The following CNTNAP5 variants were observed in gnomAD, a reference collection of about 807,000 sequenced individuals.
CNTNAP5 encodes contactin-associated protein-like 5.
In CNTNAP5, 72 loss-of-function variants were observed where a neutral mutation model predicts 150.2. The ratio of observed to expected loss-of-function variants is 0.48; its 90% confidence interval spans 0.40 to 0.58. The LOEUF (loss-of-function observed/expected upper bound fraction) is 0.58, where lower values mean the gene tolerates loss of function less well. CNTNAP5 is among the 20% of genes least tolerant of loss of function. CNTNAP5 has a pLI of 0.00. For missense variants in CNTNAP5, 1,636 were observed against 1,626.2 expected (o/e 1.01, Z -0.10); for synonymous variants, 672 against 619.8 (o/e 1.08, Z -1.25).
At chr2:124,477,333 TTTGAGGTA>T in intron 7 of CNTNAP5, among the ~76,000 whole-genome samples, 1 of 152,290 alleles carries the variant, frequency 6.6e-6, no homozygotes, top group South Asian at 2.1e-4. Flanking sequence ...TTTTTTGTGT[TTTGAGGTA>T]TCATATTAAC....
chr2:124,632,559 G>A (rs1490677752), intron 12 of CNTNAP5, among the ~76,000 whole-genome samples: 1 of 151,724 alleles, frequency 6.6e-6, no homozygotes, highest in Non-Finnish European at 1.5e-5. Context: ...GTTAGGGGAG[G>A]TGGGGGAGGG....
rs79074886 is a variant in CNTNAP5, at chr2:124,603,249, T to C, written c.1757-6552T>C. Reference sequence around the variant, plus strand: ...GATTTAACTAATTGCATTCTTACAGTGTGGCTGGGCATGTGGGCCTCTTTC... The same window carrying C: ...GATTTAACTAATTGCATTCTTACAGCGTGGCTGGGCATGTGGGCCTCTTTC... On this transcript the variant is annotated intron_variant, in intron 11 of 23. Coordinates refer to ENST00000682447, the MANE Select transcript of CNTNAP5 (RefSeq NM_001367498.1). Among the ~76,000 whole-genome samples, 1,186 of 152,294 alleles carry C rather than the reference T, an allele frequency of 7.8e-3. 17 individuals carry two copies. The highest frequency in any genetic ancestry group is 0.027 in the African/African-American group (1,130 of 41,568).
rs142959357 is a variant in CNTNAP5, at chr2:124,705,657, C to T, written c.2078-41572C>T. 6.0e-5 allele frequency among the ~76,000 whole-genome samples: 9 copies of T among 151,048 alleles called. No homozygotes were observed. The East Asian group carries it at 1.6e-3, about 26-fold the overall frequency. On this transcript the variant is annotated intron_variant, in intron 13 of 23. Coordinates refer to ENST00000682447, the MANE Select transcript of CNTNAP5 (RefSeq NM_001367498.1). ...TATGGATGATTTATAATAAGAAGAACATAATACAATTCCATAAAACAAATG... is the reference window on the plus strand; with the variant it reads ...TATGGATGATTTATAATAAGAAGAATATAATACAATTCCATAAAACAAATG...
At chr2:124,661,910 A>G (rs1198586430) in intron 13 of CNTNAP5, among the ~76,000 whole-genome samples, 1 of 152,108 alleles carries the variant, frequency 6.6e-6, no homozygotes, top group Non-Finnish European at 1.5e-5. Context: ...ACATGTGCAG[A>G]ACATGCAGGT....
Position 124,664,660 on chromosome 2 carries a change from G to A in CNTNAP5, c.2077+16702G>A, listed in dbSNP as rs115869197. ...GCACATTGCCCTGAATGAAATACAT[G>A]CAATCCGCAGGGGACAAAGAAGTTT... On this transcript the variant is annotated intron_variant, in intron 13 of 23. Transcript: ENST00000682447. 4.7e-3 allele frequency among the ~76,000 whole-genome samples: 712 copies of A among 152,288 alleles called. 3 individuals are homozygous for A. Among genetic ancestry groups the A allele is most frequent in the Non-Finnish European group, 8.0e-3 (547 of 68,018 alleles).
At chr2:124,472,561 T>TTATATA (rs1007079337) in intron 6 of CNTNAP5, among the ~76,000 whole-genome samples, 2 of 150,146 alleles carry the variant, frequency 1.3e-5, no homozygotes, top group African/African-American at 4.9e-5. Flanking sequence ...ATAAGGTGTT[T>TTATATA]TATATATATA....
chr2:124,733,848 C>A (rs1429862385), intron 13 of CNTNAP5, among the ~76,000 whole-genome samples: 1 of 152,152 alleles, frequency 6.6e-6, no homozygotes, highest in African/African-American at 2.4e-5. Context: ...GGAAAGAAAT[C>A]TGCAAAGAAA....
chr2:124,752,903 G>A (rs546679599), intron 14 of CNTNAP5, among the ~76,000 whole-genome samples: 1 of 152,296 alleles, frequency 6.6e-6, no homozygotes, highest in South Asian at 2.1e-4. Flanking sequence ...GGCTGGTGGA[G>A]CAGCATGTTG....
chr2:124,255,069 G>A (rs1687273766), intron 3 of CNTNAP5, among the ~76,000 whole-genome samples: 1 of 152,166 alleles, frequency 6.6e-6, no homozygotes, highest in Non-Finnish European at 1.5e-5. Context: ...GGTCAGGAAA[G>A]TAACAGATTT....
chr2:124,504,417 T>C lies in CNTNAP5; in HGVS notation c.1188T>C (p.Phe396=). 9.3e-6 allele frequency: 15 copies of C among 1,613,944 alleles called. No homozygotes were observed. The highest frequency in any genetic ancestry group is 1.3e-5 in the Non-Finnish European group (15 of 1,179,860). The part of the protein sequence containing the change: ...QIDGLSVSFQ[F]RTWNKDGLLL... ...ATGGGCTCTCAGTGAGTTTCCAGTT[T>C]CGAACATGGAACAAGGATGGTCTGC... The change falls in exon 8 of 24, where the codon TTT becomes TTC. Residue 396 remains phenylalanine, a synonymous_variant. Coordinates refer to ENST00000682447, the MANE Select transcript of CNTNAP5 (RefSeq NM_001367498.1).
At chr2:124,096,969 G>A (rs138256949) in intron 1 of CNTNAP5, among the ~76,000 whole-genome samples, 1,552 of 152,156 alleles carry the variant, frequency 0.01, 29 homozygotes, top group African/African-American at 0.036. Context: ...CTCCCAAAGT[G>A]CTAGGATTAC....
intron 1 of CNTNAP5, among the ~76,000 whole-genome samples, chr2:124,093,126 G>A (rs537739680): frequency 6.6e-6 from 1 of 152,316 alleles, no homozygotes; most frequent in East Asian, 1.9e-4. Flanking sequence ...CAGGTTTTAT[G>A]TCTCACAATT....
intron 13 of CNTNAP5, among the ~76,000 whole-genome samples, chr2:124,685,852 A>G (rs1474431392): frequency 6.6e-6 from 1 of 152,092 alleles, no homozygotes; most frequent in Non-Finnish European, 1.5e-5. Context: ...TGTAAGATTC[A>G]GAAGCCTCAT....
At chr2:124,571,249 C>G (rs917210172) in intron 11 of CNTNAP5, among the ~76,000 whole-genome samples, 3 of 152,078 alleles carry the variant, frequency 2.0e-5, no homozygotes, top group Non-Finnish European at 4.4e-5. Flanking sequence ...GAGGGAGGTC[C>G]ATAGGGAATA....
Position 124,788,880 on chromosome 2 carries a change from G to A in CNTNAP5, c.2753-1022G>A, listed in dbSNP as rs542511583. Among the ~76,000 whole-genome samples the A allele has an allele frequency of 7.9e-5, 12 of 152,168 alleles. No homozygotes were observed. In the South Asian group the frequency reaches 8.3e-4, roughly 11 times the overall value. ...ACTCCTGACCTCAAATGATCAGCCC[G>A]TCTTGGCCTCCCAAAATGCTAGGAT... On this transcript the variant is annotated intron_variant, in intron 17 of 23. Coordinates refer to ENST00000682447, the MANE Select transcript of CNTNAP5 (RefSeq NM_001367498.1).
At chr2:124,505,170 T>C (rs1694374356) in intron 8 of CNTNAP5, among the ~76,000 whole-genome samples, 1 of 152,230 alleles carries the variant, frequency 6.6e-6, no homozygotes, top group African/African-American at 2.4e-5. Context: ...AGACCATTTA[T>C]AGAACTCTCT....
At chr2:124,646,567 T>C (rs1215342131) in intron 12 of CNTNAP5, among the ~76,000 whole-genome samples, 1 of 152,216 alleles carries the variant, frequency 6.6e-6, no homozygotes, top group Non-Finnish European at 1.5e-5. Context: ...ACAAAAGCTT[T>C]TCAAGTCTTC....
intron 8 of CNTNAP5, among the ~76,000 whole-genome samples, chr2:124,506,134 G>T (rs940042259): frequency 1.5e-4 from 22 of 149,914 alleles, no homozygotes; most frequent in Non-Finnish European, 2.8e-4. Context: ...ATAGATTCAG[G>T]TTGCCCTGAA....
chr2:124,420,100 G>C (rs13012998), intron 4 of CNTNAP5, among the ~76,000 whole-genome samples: 146,236 of 149,618 alleles, frequency 0.98, 71,546 homozygotes, highest in East Asian at 1. Flanking sequence ...AAGTGATTCT[G>C]CTGCCTCACC....
Sources: gnomAD v4.1 joint callset for allele counts (sites outside exome capture counted in the v4.1 genomes callset) on GRCh38, gnomAD v4.1.1 for gene constraint, MANE v1.5 for transcripts, NCBI Gene and HGNC (gene_info 2026-07-23, HGNC 2026-07-21) for gene names.